MTO1: variants seen among roughly 807,000 people sequenced by gnomAD.
The protein encoded by MTO1 is mitochondrial tRNA translation optimization 1.
In MTO1, 46 loss-of-function variants were observed where a neutral mutation model predicts 71.6. That is an observed-to-expected ratio of 0.64 (90% CI 0.51 to 0.82). MTO1 has a LOEUF of 0.82. Among genes scored for constraint, MTO1 ranks in the 40% least tolerant of loss-of-function variants. The pLI is 0.00. For missense variants in MTO1, 773 were observed against 867.5 expected (o/e 0.89, Z 1.37); for synonymous variants, 297 against 312.1 (o/e 0.95, Z 0.51).
chr6:73,480,980 T>G (rs1474630837), intron 7 of MTO1, 175 bp downstream of exon 7: 6 of 635,606 alleles, frequency 9.4e-6, no homozygotes, highest in African/African-American at 3.9e-5. Flanking sequence ...TTTTTTTTTT[T>G]TTTTTTTTTT....
At chr6:73,466,174 C>T (rs374868167) in intron 1 of MTO1, 35 bp from the exon 2 acceptor site, 864 of 1,544,692 alleles carry the variant, frequency 5.6e-4, no homozygotes, top group Middle Eastern at 8.4e-4. Context: ...GCAAGGTGCT[C>T]ATATATTTAT....
intron 3 of MTO1, among the ~76,000 whole-genome samples, chr6:73,468,914 A>C (rs2150028814): frequency 6.6e-6 from 1 of 152,034 alleles, no homozygotes; most frequent in East Asian, 1.9e-4. Context: ...GGCCTTCTCC[A>C]GATTTTTTAG....
intron 9 of MTO1, among the ~76,000 whole-genome samples, chr6:73,486,076 G>C (rs941150660): frequency 2.6e-5 from 4 of 152,140 alleles, no homozygotes; most frequent in Non-Finnish European, 4.4e-5. Flanking sequence ...TGTACTCTGA[G>C]GCTTAGGCTT....
At chr6:73,475,846 C>T (rs1362953539) in intron 4 of MTO1, among the ~76,000 whole-genome samples, 1 of 152,148 alleles carries the variant, frequency 6.6e-6, no homozygotes, top group Non-Finnish European at 1.5e-5. Flanking sequence ...GATCCACCTT[C>T]AGCCTCCCAA....
At chr6:73,478,288 A>T (rs192430549) in intron 4 of MTO1, among the ~76,000 whole-genome samples, 17 of 151,196 alleles carry the variant, frequency 1.1e-4, no homozygotes, top group African/African-American at 4.1e-4. Context: ...AAGATTGAGG[A>T]TGAAGAATTG....
chr6:73,478,288 A>G (rs192430549), intron 4 of MTO1, among the ~76,000 whole-genome samples: 1 of 151,088 alleles, frequency 6.6e-6, no homozygotes, highest in African/African-American at 2.4e-5. Context: ...AAGATTGAGG[A>G]TGAAGAATTG....
At position 73,502,069 on chromosome 6, in the gene MTO1, C is replaced by G. The variant is rs1306558862; in HGVS notation, c.*1334C>G. ...ACTTGATTCAGTGATTTCAAAAGGTCGTAACTTTTAGTCATAGCTACTCCT... is the reference window on the plus strand; with the variant it reads ...ACTTGATTCAGTGATTTCAAAAGGTGGTAACTTTTAGTCATAGCTACTCCT... On this transcript the variant is annotated 3_prime_UTR_variant, in exon 12 of 12. Transcript: ENST00000498286. 6.6e-6 allele frequency: 1 copy of G among 152,100 alleles called. No individual in the cohort carries two copies. Among genetic ancestry groups the G allele is most frequent in the Non-Finnish European group, 1.5e-5 (1 of 68,016 alleles). 9.4% of individuals were successfully genotyped at this position (152,100 alleles called of 1,614,324 possible). A position where few individuals can be genotyped will look rare whatever the true frequency, so the allele number is the denominator to read the frequency against.
intron 3 of MTO1, among the ~76,000 whole-genome samples, chr6:73,469,565 T>C (rs1217422483): frequency 6.6e-6 from 1 of 152,070 alleles, no homozygotes; most frequent in Non-Finnish European, 1.5e-5. Context: ...GAGGTTGCAG[T>C]GAGCCGAGAT....
intron 10 of MTO1, among the ~76,000 whole-genome samples, chr6:73,496,163 T>C (rs1771972853): frequency 6.6e-6 from 1 of 152,146 alleles, no homozygotes; most frequent in African/African-American, 2.4e-5. Context: ...ATTGTTGGAG[T>C]CAGACACAGA....
chr6:73,492,029 C>G, intron 9 of MTO1: 1 of 412,470 alleles, frequency 2.4e-6, no homozygotes, highest in East Asian at 4.6e-5. Context: ...TTGAACCCAG[C>G]AGGTGGGGAT....
intron 11 of MTO1, 31 bp downstream of exon 11, chr6:73,497,927 G>A (rs757238224): frequency 3.0e-5 from 47 of 1,575,302 alleles, no homozygotes; most frequent in Non-Finnish European, 4.0e-5. Flanking sequence ...ATAGAAACAA[G>A]TTATAGATAA....
At chr6:73,492,127 C>A in intron 9 of MTO1, 107 bp from the exon 10 acceptor site, 7 of 674,682 alleles carry the variant, frequency 1.0e-5, no homozygotes, top group Non-Finnish European at 1.8e-5. Flanking sequence ...AAGAAATAAT[C>A]TTTTGGTATT....
Position 73,473,440 on chromosome 6 carries a change from G to T in MTO1, c.611G>T (p.Gly204Val). Residue 204 changes from glycine to valine, a missense_variant, in exon 4 of 12, where the codon GGA (glycine) becomes GTA (valine). Coordinates refer to ENST00000498286, the MANE Select transcript of MTO1 (RefSeq NM_012123.4). ...TTTCTGAGAGGCATGATTGTAATTG[G>T]ATTGGAGACGCATCCAGCAGGACGT... ...GTFLRGMIVI[G>V]LETHPAGRLG... 2 of 1,614,164 alleles carry T rather than the reference G, an allele frequency of 1.2e-6. No individual in the cohort carries two copies. Among genetic ancestry groups the T allele is most frequent in the South Asian group, 2.2e-5 (2 of 91,082 alleles).
At chr6:73,498,206 G>C (rs1772050977) in intron 11 of MTO1, among the ~76,000 whole-genome samples, 1 of 151,202 alleles carries the variant, frequency 6.6e-6, no homozygotes, top group Admixed American at 6.6e-5. Flanking sequence ...GTGAGACCCT[G>C]TCTCAAAAAA....
intron 4 of MTO1, among the ~76,000 whole-genome samples, chr6:73,478,132 C>T (rs1256161184): frequency 1.3e-5 from 2 of 151,810 alleles, no homozygotes; most frequent in Non-Finnish European, 2.9e-5. Context: ...CCCTGTAGTC[C>T]CAGCTACTTG....
Position 73,508,682 on chromosome 6 carries a change from C to T in MTO1, c.*7947C>T, listed in dbSNP as rs1473943685. ...AAATTGAGTTCTAAGAAATGCATCC[C>T]TAACTTCAACATAAAGATAGCTATG... On this transcript the variant is annotated 3_prime_UTR_variant, in exon 12 of 12. Coordinates refer to ENST00000498286, the MANE Select transcript of MTO1 (RefSeq NM_012123.4). 1 of 152,138 alleles carries T rather than the reference C, an allele frequency of 6.6e-6. No individual in the cohort carries two copies. The allele number at this position is 152,138 out of a possible 1,614,324, so 9.4% of individuals were successfully genotyped here. A position where few individuals can be genotyped will look rare whatever the true frequency, so the allele number is the denominator to read the frequency against.
rs1170291540 is a variant in MTO1 at position 73,466,396 on chromosome 6, A to G, written c.405A>G (p.Lys135=). 6.8e-6 allele frequency: 11 copies of G among 1,614,088 alleles called. No homozygotes were observed. The highest frequency in any genetic ancestry group is 1.1e-5 in the South Asian group (1 of 91,094). The part of the protein sequence containing the change: ...LRAQIDRKLY[K]QNMQKEILNT... ...CTCAGATTGATAGGAAACTCTATAA[A>G]CAGAACATGCAGGTAAGAATAGGGC... The change falls in exon 2 of 12, where the codon AAA becomes AAG. Residue 135 remains lysine (K), a synonymous_variant. Transcript: ENST00000498286.
At position 73,507,777 on chromosome 6, in the gene MTO1, A is replaced by G. The variant is rs1772327313; in HGVS notation, c.*7042A>G. ...CGGATCACGAGGTCAGGAAATAGAG[A>G]CCATCCTGGCTAACATGGTGAAACC... is the stretch of plus-strand genomic sequence containing the variant. On this transcript the variant is annotated 3_prime_UTR_variant, in exon 12 of 12. Transcript: ENST00000498286. 6.6e-6 allele frequency: 1 copy of G among 152,216 alleles called. No homozygotes were observed. The allele number at this position is 152,216 out of a possible 1,614,324, so 9.4% of individuals were successfully genotyped here.
chr6:73,465,869 G>A (rs679272), intron 1 of MTO1, among the ~76,000 whole-genome samples: 137,165 of 152,010 alleles, frequency 0.9, 62,027 homozygotes, highest in East Asian at 0.95. Context: ...CTGTAATCCC[G>A]GCTACTCGGG....
Sources: allele counts gnomAD v4.1 joint callset (sites outside exome capture counted in the v4.1 genomes callset), GRCh38; gene constraint gnomAD v4.1.1; transcripts MANE v1.5; gene names NCBI Gene and HGNC (gene_info 2026-07-23, HGNC 2026-07-21).